LTV1: variants seen among roughly 807,000 people sequenced by gnomAD.
LTV1 encodes the protein protein LTV1 homolog.
Under a neutral mutation model 59.9 loss-of-function variants are expected in LTV1, and 39 were observed. The ratio of observed to expected loss-of-function variants is 0.65; its 90% CI spans 0.50 to 0.85. The LOEUF is 0.85. Ranked by LOEUF, LTV1 falls within the 40% of genes least tolerant of loss-of-function variation. The pLI is 0.00. For missense variants in LTV1, 493 were observed against 549.1 expected, an observed-to-expected ratio of 0.90 and a Z score of 1.02; for synonymous variants, 171 against 189.5, an observed-to-expected ratio of 0.90 and a Z score of 0.80.
intron 3 of LTV1, among the ~76,000 whole-genome samples, chr6:143,847,797 G>C (rs1429148423): frequency 6.6e-6 from 1 of 152,194 alleles, no homozygotes; most frequent in Non-Finnish European, 1.5e-5. Flanking sequence ...AAAAACAGAA[G>C]TGTGGTTGGT....
rs763939114 is a variant in LTV1 at position 143,846,188 on chromosome 6, C to A, written c.273C>A (p.Asn91Lys). ...CCTCAAGTACCTTCAGTGCACACAA[C>A]AGGAGAGAGGAGAAAGAAGAAACGC... ...LIPSSTFSAH[N>K]RREEKEETLV... Residue 91 changes from asparagine (N) to lysine (K), a missense_variant, in exon 3 of 11, where the codon AAC (asparagine) becomes AAA (lysine). Physicochemically the swap from Asn to Lys is moderately conservative, Grantham distance 94. Transcript: ENST00000367576. 6.2e-7 allele frequency: 1 copy of A among 1,613,700 alleles called. No homozygotes were observed. The highest frequency in any genetic ancestry group is 8.5e-7 in the Non-Finnish European group (1 of 1,179,876).
chr6:143,847,393 C>T (rs1776911351), intron 3 of LTV1, among the ~76,000 whole-genome samples: 1 of 152,222 alleles, frequency 6.6e-6, no homozygotes, highest in African/African-American at 2.4e-5. Context: ...CGGAGTTTTG[C>T]TCCTGTTGCC....
rs541173588 is a variant in LTV1 at position 143,855,262 on chromosome 6, T to C, written c.398-2041T>C. On this transcript the variant is annotated intron_variant, in intron 4 of 10. Transcript: ENST00000367576. The surrounding 1 kb of genome is among the most constrained non-coding windows in gnomAD (Gnocchi z 4.6). ...GAGTCTGTTTTATCAGAGACTAGGA[T>C]TGCAACACTTGCTGTTTTTGCTTTC... Among the ~76,000 whole-genome samples, 1 of 152,338 alleles carries C rather than the reference T, an allele frequency of 6.6e-6. No homozygotes were observed. Among genetic ancestry groups the C allele is most frequent in the Non-Finnish European group, 1.5e-5 (1 of 68,038 alleles).
chr6:143,855,175 G>A lies in LTV1; in HGVS notation c.398-2128G>A, dbSNP rs572691116. 6.6e-6 allele frequency among the ~76,000 whole-genome samples: 1 copy of A among 152,234 alleles called. No homozygotes were observed. Among genetic ancestry groups the A allele is most frequent in the East Asian group, 1.9e-4 (1 of 5,188 alleles). ...TTTAGGGTAGTTAGCTCTTCTTGTT[G>A]CATTGTTCCCTTTACTATTATGTAA... On this transcript the variant is annotated intron_variant, in intron 4 of 10. Transcript: ENST00000367576. This position sits in a 1 kb window ranked among gnomAD's most constrained non-coding sequence, Gnocchi z 4.6.
rs1253714429 is a variant in LTV1 at position 143,860,468 on chromosome 6, A to C, written c.838A>C (p.Asn280His). The C allele has an allele frequency of 3.1e-5, 50 of 1,613,462 alleles. No homozygotes were observed. Among genetic ancestry groups the C allele is most frequent in the Non-Finnish European group, 4.2e-5 (49 of 1,179,688 alleles). ...YDDDEIGALDNAELEGSIQVD... is the reference protein window; with the variant it reads ...YDDDEIGALDHAELEGSIQVD... ...TGATGATGAAATTGGAGCTCTGGAT[A>C]ATGCAGAATTGGAAGGTTCTATTCA... Residue 280 changes from asparagine (N) to histidine (H), a missense_variant, in exon 7 of 11, where the codon AAT becomes CAT. Transcript: ENST00000367576.
intron 3 of LTV1, among the ~76,000 whole-genome samples, chr6:143,846,762 A>G (rs1319226219): frequency 6.6e-6 from 1 of 152,212 alleles, no homozygotes; most frequent in African/African-American, 2.4e-5. Context: ...CTGTTAGTCT[A>G]AGTTCTGTTT....
intron 2 of LTV1, 88 bp from the exon 3 acceptor site, chr6:143,845,963 A>G (rs1776882276): frequency 1.1e-5 from 14 of 1,289,916 alleles, no homozygotes; most frequent in East Asian, 9.6e-5. Flanking sequence ...ACTCATTGTA[A>G]TATTCCCATG....
Position 143,863,269 on chromosome 6 carries a change from A to T in LTV1, c.1300A>T (p.Ile434Leu). The T allele has an allele frequency of 6.2e-7, 1 of 1,613,872 alleles. No individual in the cohort carries two copies. The change falls in exon 10 of 11, where the codon ATA becomes TTA. Residue 434 changes from isoleucine (I) to leucine (L), a missense_variant. By Grantham distance (5) the Ile-to-Leu change is conservative (BLOSUM62 2). Transcript: ENST00000367576. The surrounding 1 kb of genome is among the most constrained non-coding windows in gnomAD (Gnocchi z 4.5). ...AGATAAAAGAGCAAGAAAGCAAGCT[A>T]TAAAAGAAGAGCGCAAGGTAAAATA... Reference protein sequence around the residue: ...KEDKRARKQAIKEERKERRVE... With the variant: ...KEDKRARKQALKEERKERRVE...
rs1356425920 is a variant in LTV1, at chr6:143,860,320, A to G, written c.796-106A>G. On this transcript the variant is annotated intron_variant, in intron 6 of 10. Coordinates refer to ENST00000367576, the MANE Select transcript of LTV1 (RefSeq NM_032860.5). ...TTAATGGTAATTGTGATAGTACCTG[A>G]ATAACTATTGTGTAAGAATAAAGTT... 9.1e-6 allele frequency: 8 copies of G among 880,344 alleles called. No individual in the cohort carries two copies. The Admixed American group carries it at 1.2e-4, about 13-fold the overall frequency. The allele number at this position is 880,344 out of a possible 1,614,324, so 54.5% of individuals were successfully genotyped here.
intron 7 of LTV1, among the ~76,000 whole-genome samples, chr6:143,860,815 C>T (rs1884089): frequency 0.39 from 58,497 of 151,782 alleles, 12,872 homozygotes; most frequent in African/African-American, 0.6. Flanking sequence ...TGAAGTAGAA[C>T]GTAATGGGAA....
chr6:143,844,670 TTC>T (rs928492200), intron 2 of LTV1, 53 bp downstream of exon 2: 11 of 1,539,530 alleles, frequency 7.1e-6, no homozygotes, highest in South Asian at 2.5e-5. Flanking sequence ...AGTTTTTTTT[TTC>T]TTTTTTTTTT....
chr6:143,862,830 ATTTG>A lies in LTV1; in HGVS notation c.1064-6_1064-3del, dbSNP rs778290323. Reference sequence around the variant, plus strand: ...ACATGCTTACTGATACATGACTTTTATTTGTTTGTTTAGGTACATACTCAAATTT... The same window carrying A: ...ACATGCTTACTGATACATGACTTTTATTTGTTTAGGTACATACTCAAATTT... On this transcript the variant is annotated splice_polypyrimidine_tract_variant and intron_variant, in intron 8 of 10. Transcript: ENST00000367576. The surrounding 1 kb of genome is among the most constrained non-coding windows in gnomAD (Gnocchi z 4.2). The A allele has an allele frequency of 1.3e-6, 2 of 1,491,584 alleles. No individual in the cohort carries two copies. The highest frequency in any genetic ancestry group is 1.4e-5 in the African/African-American group (1 of 72,268). The allele number at this position is 1,491,584 out of a possible 1,614,324, so 92.4% of individuals were successfully genotyped here.
At chr6:143,846,977 G>C (rs1776902594) in intron 3 of LTV1, among the ~76,000 whole-genome samples, 1 of 152,220 alleles carries the variant, frequency 6.6e-6, no homozygotes, top group Admixed American at 6.5e-5. Flanking sequence ...ATTCTGTCAT[G>C]GTCTAGGCAT....
chr6:143,855,335 C>T lies in LTV1; in HGVS notation c.398-1968C>T, dbSNP rs925067107. 5.3e-5 allele frequency among the ~76,000 whole-genome samples: 8 copies of T among 151,974 alleles called. No individual in the cohort carries two copies. The highest frequency in any genetic ancestry group is 3.2e-3 in the Middle Eastern group (1 of 314). ...CATTCCTTTATTTTGAGTCTGTGTG[C>T]GTCTTTGCACATGAGATAGGTCTCC... On this transcript the variant is annotated intron_variant, in intron 4 of 10. Coordinates refer to ENST00000367576, the MANE Select transcript of LTV1 (RefSeq NM_032860.5). This position sits in a 1 kb window ranked among gnomAD's most constrained non-coding sequence, Gnocchi z 4.6.
In LTV1 at chr6:143,857,985, T is replaced by G. The variant is rs1176337680; in HGVS notation, c.773T>G (p.Leu258Arg). 6.2e-7 allele frequency: 1 copy of G among 1,613,954 alleles called. No individual in the cohort carries two copies. Among genetic ancestry groups the G allele is most frequent in the Admixed American group, 1.7e-5 (1 of 59,998 alleles). Residue 258 changes from leucine to arginine, a missense_variant, in exon 6 of 11, where the codon CTA becomes CGA. Leu to Arg is a moderately radical substitution (Grantham distance 102). Transcript: ENST00000367576. The surrounding 1 kb of genome is among the most constrained non-coding windows in gnomAD (Gnocchi z 5.2). ...SVMRRNEQLT[L>R]HDERFEKFYE... ...ATGAGGAGAAATGAACAGCTGACCCTACATGATGAGAGGTTTGAGAAGGTA... is the reference window on the plus strand; with the variant it reads ...ATGAGGAGAAATGAACAGCTGACCCGACATGATGAGAGGTTTGAGAAGGTA...
chr6:143,843,919 A>G (rs1776845789), intron 1 of LTV1, among the ~76,000 whole-genome samples: 1 of 152,234 alleles, frequency 6.6e-6, no homozygotes, highest in African/African-American at 2.4e-5. Flanking sequence ...GCCCAAAGTA[A>G]AGCCACTTAA....
intron 6 of LTV1, chr6:143,858,284 T>A (rs1777112571): frequency 3.0e-6 from 1 of 334,862 alleles, no homozygotes; most frequent in African/African-American, 2.1e-5. Context: ...ATCACACGCT[T>A]ACACCAGGAG....
At chr6:143,861,997 A>T in intron 7 of LTV1, 107 bp from the exon 8 acceptor site, 1 of 1,100,596 alleles carries the variant, frequency 9.1e-7, no homozygotes, top group Non-Finnish European at 1.3e-6. Flanking sequence ...ATGTGCATTT[A>T]AAACATTGGT....
Position 143,860,445 on chromosome 6 carries a change from A to G in LTV1, c.815A>G (p.Asp272Gly), listed in dbSNP as rs765271862. The change falls in exon 7 of 11, where the codon GAT (aspartate) becomes GGT (glycine). Residue 272 changes from aspartate (D) to glycine (G), a missense_variant. Asp to Gly is a moderately conservative substitution (Grantham distance 94). Transcript: ENST00000367576. The part of the protein sequence containing the change: ...RFEKFYEQYD[D>G]DEIGALDNAE... ...TTCAAGTTTTATGAGCAATATGATG[A>G]TGATGAAATTGGAGCTCTGGATAAT... 4 of 1,613,432 alleles carry G rather than the reference A, an allele frequency of 2.5e-6. No homozygotes were observed. The East Asian group carries it at 6.7e-5, about 27-fold the overall frequency.
Sources: allele counts gnomAD v4.1 joint callset (sites outside exome capture counted in the v4.1 genomes callset), GRCh38; gene constraint gnomAD v4.1.1; non-coding constraint Gnocchi (gnomAD v3.1); transcripts MANE v1.5; gene names NCBI Gene and HGNC (gene_info 2026-07-23, HGNC 2026-07-21).